The following MAGI2 variants were observed in gnomAD, a reference collection of about 807,000 sequenced individuals.
MAGI2 encodes membrane-associated guanylate kinase, WW and PDZ domain-containing protein 2.
Under a neutral mutation model 133.3 loss-of-function variants are expected in MAGI2, and 35 were observed. The ratio of observed to expected loss-of-function variants is 0.26; its 90% confidence interval spans 0.20 to 0.35. The LOEUF (loss-of-function observed/expected upper bound fraction) is 0.35, where lower values mean the gene tolerates loss of function less well. MAGI2 is among the 10% of genes least tolerant of loss of function. The pLI, the probability that MAGI2 is intolerant of heterozygous loss-of-function variation, is 1.00. For synonymous variants in MAGI2, 729 were observed against 710.6 expected (o/e 1.03, Z -0.41); for missense variants, 1,636 against 1,863.4 (o/e 0.88, Z 2.25).
chr7:78,151,782 C>T (rs141320138), intron 16 of MAGI2, among the ~76,000 whole-genome samples: 3 of 152,274 alleles, frequency 2.0e-5, no homozygotes, highest in East Asian at 1.9e-4. Flanking sequence ...TCTACTGCAT[C>T]GCCCATTGTC....
chr7:78,765,587 T>C (rs1824942017), intron 2 of MAGI2, among the ~76,000 whole-genome samples: 1 of 151,996 alleles, frequency 6.6e-6, no homozygotes, highest in Non-Finnish European at 1.5e-5. Flanking sequence ...GACCTTGTGA[T>C]CTGCCCACCT....
intron 6 of MAGI2, among the ~76,000 whole-genome samples, chr7:78,393,964 A>G (rs1210924395): frequency 6.6e-6 from 1 of 152,198 alleles, no homozygotes; most frequent in Non-Finnish European, 1.5e-5. Flanking sequence ...AAATCTTTCT[A>G]TAAAGGGAAA....
intron 1 of MAGI2, among the ~76,000 whole-genome samples, chr7:79,186,755 A>ATATATATATATATTTATACAAAAG (rs1562974060): frequency 1.2e-4 from 3 of 24,652 alleles, no homozygotes; most frequent in Non-Finnish European, 1.0e-3. Context: ...ACAAAAGTAT[A>ATATATATATATATTTATACAAAAG]TATATATATA....
chr7:78,732,306 A>T (rs752649174), intron 2 of MAGI2, among the ~76,000 whole-genome samples: 3 of 152,132 alleles, frequency 2.0e-5, no homozygotes, highest in Non-Finnish European at 4.4e-5. Context: ...GATATGTCCT[A>T]TGAGGACAGA....
intron 1 of MAGI2, among the ~76,000 whole-genome samples, chr7:79,141,008 A>G (rs1053815653): frequency 6.6e-6 from 1 of 152,206 alleles, no homozygotes; most frequent in African/African-American, 2.4e-5. Flanking sequence ...ATAAAAAGCA[A>G]TTTGTATAAA....
At chr7:78,376,121 TG>T (rs1410806442) in intron 6 of MAGI2, among the ~76,000 whole-genome samples, 1 of 152,106 alleles carries the variant, frequency 6.6e-6, no homozygotes, top group African/African-American at 2.4e-5. Context: ...CAGGTAAAGC[TG>T]GGGGTGTAAC....
intron 9 of MAGI2, among the ~76,000 whole-genome samples, chr7:78,281,968 T>TGTGA (rs1491586199): frequency 1.3e-5 from 2 of 151,988 alleles, no homozygotes; most frequent in Admixed American, 6.6e-5. Context: ...GAATTTTCAC[T>TGTGA]GTGAGTTCTT....
intron 6 of MAGI2, among the ~76,000 whole-genome samples, chr7:78,429,085 G>A (rs17150719): frequency 0.19 from 28,706 of 152,048 alleles, 3,778 homozygotes; most frequent in African/African-American, 0.37. Context: ...AATAAAAGAC[G>A]TGAACTTTAT....
intron 2 of MAGI2, among the ~76,000 whole-genome samples, chr7:78,947,531 C>A (rs1157693825): frequency 6.6e-6 from 1 of 152,062 alleles, no homozygotes; most frequent in Non-Finnish European, 1.5e-5. Context: ...TTTACATATT[C>A]AGTATAACAT....
intron 2 of MAGI2, among the ~76,000 whole-genome samples, chr7:78,968,785 T>C (rs1289577279): frequency 6.6e-6 from 1 of 152,074 alleles, no homozygotes; most frequent in Admixed American, 6.6e-5. Context: ...TGTAGTTTAT[T>C]GAGACAGGTG....
At chr7:78,431,444 C>T (rs1799788610) in intron 6 of MAGI2, among the ~76,000 whole-genome samples, 2 of 152,074 alleles carry the variant, frequency 1.3e-5, no homozygotes, top group African/African-American at 2.4e-5. Context: ...TTCTCAAAGG[C>T]TAAAGGAAAG....
chr7:78,763,374 A>G (rs1165616989), intron 2 of MAGI2, among the ~76,000 whole-genome samples: 1 of 152,190 alleles, frequency 6.6e-6, no homozygotes, highest in Non-Finnish European at 1.5e-5. Flanking sequence ...TTCATATACT[A>G]CTAGCCAATC....
intron 12 of MAGI2, among the ~76,000 whole-genome samples, chr7:78,192,080 G>A (rs908558218): frequency 6.6e-6 from 1 of 152,136 alleles, no homozygotes. Flanking sequence ...AGTTTTGAAA[G>A]TGAATGCAAA....
intron 1 of MAGI2, among the ~76,000 whole-genome samples, chr7:79,218,374 T>C (rs1830194220): frequency 1.3e-5 from 2 of 152,058 alleles, no homozygotes; most frequent in African/African-American, 4.8e-5. Context: ...ATCTGTAAGT[T>C]TTAGAGACAG....
chr7:79,006,004 C>T (rs1014504786), intron 2 of MAGI2, among the ~76,000 whole-genome samples: 1 of 152,102 alleles, frequency 6.6e-6, no homozygotes, highest in African/African-American at 2.4e-5. Flanking sequence ...ATATTTAGTG[C>T]TAACAATGGC....
intron 2 of MAGI2, among the ~76,000 whole-genome samples, chr7:78,886,649 T>A (rs1405266098): frequency 2.6e-5 from 4 of 152,202 alleles, no homozygotes; most frequent in Admixed American, 2.6e-4. Flanking sequence ...CCTAGCCCCA[T>A]TTTTATTAAT....
At chr7:78,898,311 T>A (rs1247288763) in intron 2 of MAGI2, among the ~76,000 whole-genome samples, 1 of 151,982 alleles carries the variant, frequency 6.6e-6, no homozygotes, top group East Asian at 1.9e-4. Flanking sequence ...AAATGCCAAA[T>A]CAACGGAATG....
chr7:78,993,944 A>C (rs1562762664), intron 2 of MAGI2, among the ~76,000 whole-genome samples: 1 of 151,922 alleles, frequency 6.6e-6, no homozygotes, highest in African/African-American at 2.4e-5. Flanking sequence ...CCCAGATATC[A>C]CTCTGCATAT....
At chr7:78,064,983 A>T (rs1813666394) in intron 21 of MAGI2, among the ~76,000 whole-genome samples, 1 of 151,916 alleles carries the variant, frequency 6.6e-6, no homozygotes, top group Admixed American at 6.6e-5. Context: ...TGACTACTTT[A>T]AAAAAAATAG....
Sources: allele counts gnomAD v4.1 joint callset (sites outside exome capture counted in the v4.1 genomes callset), GRCh38; gene constraint gnomAD v4.1.1; transcripts MANE v1.5; gene names NCBI Gene and HGNC (gene_info 2026-07-23, HGNC 2026-07-21).